C4orf50: variants seen among roughly 807,000 people sequenced by gnomAD.
C4orf50 encodes uncharacterized protein C4orf50.
A neutral mutation model predicts 77.2 loss-of-function variants in C4orf50; 80 were observed. The ratio of observed to expected loss-of-function variants is 1.04; its 90% CI spans 0.87 to 1.25. C4orf50 has a LOEUF of 1.25. Among genes scored for constraint, C4orf50 ranks in the 50% most tolerant of loss-of-function variants. The pLI, the probability that C4orf50 is intolerant of heterozygous loss-of-function variation, is 0.00. For missense variants in C4orf50, 1,257 were observed against 1,152.9 expected (o/e 1.09, Z -1.31); for synonymous variants, 532 against 465.3 (o/e 1.14, Z -1.84).
intron 31 of C4orf50, among the ~76,000 whole-genome samples, chr4:5,972,285 G>A (rs180978543): frequency 1.9e-4 from 29 of 152,254 alleles, no homozygotes; most frequent in Admixed American, 1.4e-3. Context: ...TTACAGGCAC[G>A]AGCCACCGCG....
At chr4:5,978,060 C>A (rs111965975) in intron 29 of C4orf50, among the ~76,000 whole-genome samples, 5 of 152,154 alleles carry the variant, frequency 3.3e-5, no homozygotes, top group African/African-American at 1.2e-4. Context: ...CCCACAAGCA[C>A]GTGAAAAGAT....
At chr4:5,904,560 G>A (rs10027436) in intron 7 of C4orf50, 69,522 of 152,070 alleles carry the variant, frequency 0.46, 17,129 homozygotes, top group East Asian at 0.74. Context: ...GAGCTGGGGC[G>A]GATAGAGGCC....
intron 7 of C4orf50, among the ~76,000 whole-genome samples, chr4:5,941,189 G>A (rs1718245508): frequency 6.6e-6 from 1 of 152,214 alleles, no homozygotes; most frequent in Non-Finnish European, 1.5e-5. Context: ...TTAATTGGGT[G>A]CTTCCTTTGT....
At chr4:6,005,328 A>G (rs1722206195) in intron 25 of C4orf50, among the ~76,000 whole-genome samples, 1 of 152,206 alleles carries the variant, frequency 6.6e-6, no homozygotes, top group African/African-American at 2.4e-5. Context: ...CCTAGAGTGC[A>G]GCCTTGAGAA....
At chr4:5,935,517 G>T (rs1717968677) in intron 7 of C4orf50, among the ~76,000 whole-genome samples, 1 of 152,168 alleles carries the variant, frequency 6.6e-6, no homozygotes, top group Admixed American at 6.5e-5. Flanking sequence ...GCTGGGTGTG[G>T]TGGCTCATGA....
intron 7 of C4orf50, among the ~76,000 whole-genome samples, chr4:5,945,752 G>A (rs1686034638): frequency 6.6e-6 from 1 of 152,138 alleles, no homozygotes; most frequent in South Asian, 2.1e-4. Context: ...CATTTTTCTT[G>A]ACCAGCTGGC....
chr4:6,002,243 T>A (rs548209925), intron 25 of C4orf50, among the ~76,000 whole-genome samples: 10 of 151,748 alleles, frequency 6.6e-5, no homozygotes, highest in African/African-American at 2.4e-4. Flanking sequence ...GAAATCAGAG[T>A]GATGCGTCTG....
chr4:5,964,761 C>T (rs1490360334), intron 33 of C4orf50, among the ~76,000 whole-genome samples: 189 of 68,466 alleles, frequency 2.8e-3, no homozygotes, highest in African/African-American at 0.012. Context: ...GAGCAAGACT[C>T]TGTCTCAAAA....
exon 29 of C4orf50, chr4:5,980,318 C>T: frequency 6.2e-7 from 1 of 1,611,372 alleles, no homozygotes. Flanking sequence ...CCTCAGTAAC[C>T]TCGGCCTCTG....
Position 5,932,871 on chromosome 4 carries a change from A to G in C4orf50, c.*2474+24030T>C, listed in dbSNP as rs571612242. On this transcript the variant is annotated intron_variant, in intron 7 of 7. Transcript: ENST00000324058. This position sits in a 1 kb window ranked among gnomAD's most constrained non-coding sequence, Gnocchi z 4.2. ...ACTAGTTAGCTTCACAAATTGTTACAGGGTTTAAATGAGATAGTGCATTTA... is the reference window on the plus strand; with the variant it reads ...ACTAGTTAGCTTCACAAATTGTTACGGGGTTTAAATGAGATAGTGCATTTA... Among the ~76,000 whole-genome samples, 41 of 152,342 alleles carry G rather than the reference A, an allele frequency of 2.7e-4. No homozygotes were observed. The highest frequency in any genetic ancestry group is 9.9e-4 in the African/African-American group (41 of 41,588).
intron 7 of C4orf50, among the ~76,000 whole-genome samples, chr4:5,911,296 G>C (rs1302332850): frequency 6.6e-6 from 1 of 152,196 alleles, no homozygotes; most frequent in East Asian, 1.9e-4. Context: ...GTGGTGGATG[G>C]TTGCCCAAAC....
In C4orf50 at chr4:5,970,131, G is replaced by A. The variant is rs1243342194; in HGVS notation, c.4105-2669C>T. On this transcript the variant is annotated intron_variant, in intron 31 of 33. Coordinates refer to ENST00000531445, the Ensembl canonical transcript of C4orf50. The surrounding 1 kb of genome is among the most constrained non-coding windows in gnomAD (Gnocchi z 4.3). ...ATGCTTGTGAATATCAACAGCGTAGGTCCAGGCAAAACACAGGAAAAAAAA... is the reference window on the plus strand; with the variant it reads ...ATGCTTGTGAATATCAACAGCGTAGATCCAGGCAAAACACAGGAAAAAAAA... 6.8e-6 allele frequency among the ~76,000 whole-genome samples: 1 copy of A among 147,936 alleles called. No homozygotes were observed. The highest frequency in any genetic ancestry group is 2.0e-4 in the East Asian group (1 of 5,116).
rs1266593886 is a variant in C4orf50 at position 5,919,046 on chromosome 4, T to C, written c.*2475-20858A>G. On this transcript the variant is annotated intron_variant, in intron 7 of 7. Coordinates refer to the C4orf50 transcript ENST00000324058. This position sits in a 1 kb window ranked among gnomAD's most constrained non-coding sequence, Gnocchi z 6.5. ...GGGCTTGCCCAAGTCTCGGTGCTTC[T>C]CAAGAGAACTTGCTGCTATGGCTCC... Among the ~76,000 whole-genome samples, 1 of 152,132 alleles carries C rather than the reference T, an allele frequency of 6.6e-6. No homozygotes were observed. Among genetic ancestry groups the C allele is most frequent in the Non-Finnish European group, 1.5e-5 (1 of 68,014 alleles).
intron 7 of C4orf50, among the ~76,000 whole-genome samples, chr4:5,915,022 T>G (rs1445851969): frequency 6.6e-6 from 1 of 152,226 alleles, no homozygotes; most frequent in East Asian, 1.9e-4. Flanking sequence ...TTACTCTAAA[T>G]TCTACACCTA....
chr4:6,010,471 A>G (rs1260014208), intron 24 of C4orf50, among the ~76,000 whole-genome samples: 1 of 152,218 alleles, frequency 6.6e-6, no homozygotes, highest in Non-Finnish European at 1.5e-5. Flanking sequence ...TATAAGAAAC[A>G]CCTGTGAACA....
At chr4:5,988,680 C>A (rs546201135) in exon 28 of C4orf50, 16 of 1,536,106 alleles carry the variant, frequency 1.0e-5, no homozygotes, top group Non-Finnish European at 1.3e-5. Flanking sequence ...TGGCTTTTCC[C>A]TGGAGGTGCT....
intron 7 of C4orf50, among the ~76,000 whole-genome samples, chr4:5,949,538 G>A (rs1334623131): frequency 1.3e-5 from 2 of 152,234 alleles, no homozygotes; most frequent in Admixed American, 1.3e-4. Context: ...TCAGGAGCTG[G>A]GGGAGATGAG....
rs1416300247 is a variant in C4orf50 at position 6,011,522 on chromosome 4, C to A, written c.426+308G>T. On this transcript the variant is annotated intron_variant, in intron 24 of 33. Transcript: ENST00000531445. This position sits in a 1 kb window ranked among gnomAD's most constrained non-coding sequence, Gnocchi z 4.2. ...TTATTTGTTTCTTATCAGTCTCCCC[C>A]ATCTGCATAAGAGCTCCGGACCCCA... is the stretch of plus-strand genomic sequence containing the variant. Among the ~76,000 whole-genome samples the A allele has an allele frequency of 2.0e-5, 3 of 152,116 alleles. No individual in the cohort carries two copies. Among genetic ancestry groups the A allele is most frequent in the African/African-American group, 7.2e-5 (3 of 41,420 alleles).
At chr4:5,981,193 G>A (rs193060764) in intron 28 of C4orf50, among the ~76,000 whole-genome samples, 7 of 152,000 alleles carry the variant, frequency 4.6e-5, no homozygotes, top group East Asian at 3.9e-4. Flanking sequence ...TGTTCTGGGC[G>A]TTTTTCCATA....
Sources: allele counts gnomAD v4.1 joint callset (sites outside exome capture counted in the v4.1 genomes callset), GRCh38; gene constraint gnomAD v4.1.1; non-coding constraint Gnocchi (gnomAD v3.1); transcripts MANE v1.5; gene names NCBI Gene and HGNC (gene_info 2026-07-23, HGNC 2026-07-21).